Variants in NFXL1 observed in about 807,000 individuals in gnomAD.
The protein encoded by NFXL1 is nuclear transcription factor, X-box binding like 1, also known as NF-X1-type zinc finger protein NFXL1.
A neutral mutation model predicts 123.3 loss-of-function variants in NFXL1; 66 were observed. That is an observed-to-expected ratio of 0.54 (90% CI 0.44 to 0.66). NFXL1 has a LOEUF of 0.66. NFXL1 is among the 30% of genes least tolerant of loss of function. The pLI is 0.00. For missense variants in NFXL1, 944 were observed against 1,125.6 expected, an observed-to-expected ratio of 0.84 and a Z score of 2.31; for synonymous variants, 346 against 360.8, an observed-to-expected ratio of 0.96 and a Z score of 0.46.
intron 18 of NFXL1, among the ~76,000 whole-genome samples, chr4:47,864,187 G>A (rs1248983126): frequency 1.3e-5 from 2 of 151,942 alleles, no homozygotes; most frequent in African/African-American, 4.8e-5. Flanking sequence ...TTTTATTCCT[G>A]TTACTCTATA....
intron 19 of NFXL1, among the ~76,000 whole-genome samples, chr4:47,859,858 A>AAAAAAC: frequency 1.4e-5 from 2 of 145,400 alleles, no homozygotes; most frequent in African/African-American, 2.5e-5. Flanking sequence ...AAAAAAAAAA[A>AAAAAAC]AAAAAAAAAA....
In NFXL1 at chr4:47,897,962, CTTACTTGA is replaced by C; in HGVS notation, c.1201_1204+4del. 6.5e-7 allele frequency: 1 copy of C among 1,541,890 alleles called. No homozygotes were observed. On this transcript the variant is annotated splice_donor_variant and splice_donor_region_variant and coding_sequence_variant and intron_variant, in exon 9 of 23. Transcript: ENST00000507489. LOFTEE classifies it high-confidence loss of function. ...TATATAAATATAAAAAAAAACAAGT[CTTACTTGA>C]TTTCTGACATGGACAGAACCTTTTC...
chr4:47,899,256 T>C lies in NFXL1; in HGVS notation c.826+114A>G, dbSNP rs1226136679. 1.0e-5 allele frequency: 13 copies of C among 1,295,014 alleles called. No individual in the cohort carries two copies. In the Admixed American group the frequency reaches 2.6e-4, roughly 26 times the overall value. 80.2% of individuals were successfully genotyped at this position (1,295,014 alleles called of 1,614,324 possible). On this transcript the variant is annotated intron_variant, in intron 6 of 22. Coordinates refer to ENST00000507489, the MANE Select transcript of NFXL1 (RefSeq NM_001278624.2). ...CTTTACAAAAGGCAATAACTTTCAA[T>C]ATTTTCTCATGGCAAACTAAACTGT...
intron 19 of NFXL1, among the ~76,000 whole-genome samples, chr4:47,857,256 C>A (rs1450798152): frequency 6.6e-6 from 1 of 152,154 alleles, no homozygotes; most frequent in East Asian, 1.9e-4. Flanking sequence ...TCTCTTCCAG[C>A]TATTTGGAAA....
rs543069408 is a variant in NFXL1, at chr4:47,847,365, G to T, written c.*798C>A. 29 of 152,230 alleles carry T rather than the reference G, an allele frequency of 1.9e-4. No homozygotes were observed. The highest frequency in any genetic ancestry group is 1.4e-3 in the Admixed American group (21 of 15,296). The allele number at this position is 152,230 out of a possible 1,614,324, so 9.4% of individuals were successfully genotyped here. A position where few individuals can be genotyped will look rare whatever the true frequency, so the allele number is the denominator to read the frequency against. ...TTCTCTATTTGTTTTCATAAGAACT[G>T]ATTATTTTCAGCTGAAATCTATTTA... On this transcript the variant is annotated 3_prime_UTR_variant, in exon 23 of 23. Transcript: ENST00000507489.
rs1737518977 is a variant in NFXL1 at position 47,905,332 on chromosome 4, C to T, written c.421G>A (p.Glu141Lys). The change falls in exon 4 of 23, where the codon GAA becomes AAA. Residue 141 changes from glutamate (E) to lysine (K), a missense_variant. Transcript: ENST00000507489. ...ACATATTGTTTTGTTCGCTCTAATTCACGTGTATCTCCATCTGGAAATTTA... is the reference window on the plus strand; with the variant it reads ...ACATATTGTTTTGTTCGCTCTAATTTACGTGTATCTCCATCTGGAAATTTA... ...YTTQTDGDTR[E>K]LERTKQYVNE... The T allele has an allele frequency of 6.4e-7, 1 of 1,557,556 alleles. No homozygotes were observed. The highest frequency in any genetic ancestry group is 8.8e-7 in the Non-Finnish European group (1 of 1,130,712).
intron 1 of NFXL1, 29 bp downstream of exon 1, chr4:47,914,336 G>A: frequency 4.3e-6 from 3 of 696,986 alleles, no homozygotes; most frequent in South Asian, 2.1e-5. Flanking sequence ...CGGCGACCGG[G>A]TTTTAGGAGG....
intron 17 of NFXL1, 55 bp from the exon 18 acceptor site, chr4:47,875,348 C>A: frequency 7.7e-7 from 1 of 1,306,716 alleles, no homozygotes; most frequent in East Asian, 2.5e-5. Context: ...CTAACATTTC[C>A]ATATGTTACA....
Position 47,885,048 on chromosome 4 carries a change from C to T in NFXL1, c.1824+450G>A, listed in dbSNP as rs567798765. ...AGGCTAAGGCACGAGAGTCACTGAA[C>T]CCGGGAGGTGGAGGTTGCAGTGACC... On this transcript the variant is annotated intron_variant, in intron 14 of 22. Transcript: ENST00000507489. Among the ~76,000 whole-genome samples the T allele has an allele frequency of 3.3e-5, 5 of 151,676 alleles. No individual in the cohort carries two copies. In the East Asian group the frequency reaches 7.7e-4, roughly 23 times the overall value.
intron 2 of NFXL1, among the ~76,000 whole-genome samples, chr4:47,913,115 C>T (rs557531565): frequency 6.6e-6 from 1 of 151,966 alleles, no homozygotes; most frequent in South Asian, 2.1e-4. Flanking sequence ...AGAATACCAC[C>T]TACCTTTCAA....
chr4:47,897,219 G>A (rs534166785), intron 9 of NFXL1, among the ~76,000 whole-genome samples: 1 of 152,156 alleles, frequency 6.6e-6, no homozygotes, highest in African/African-American at 2.4e-5. Flanking sequence ...GGCTGAGGCA[G>A]GAGGATCACT....
chr4:47,891,128 T>G (rs377645811), intron 11 of NFXL1, among the ~76,000 whole-genome samples: 1 of 133,578 alleles, frequency 7.5e-6, no homozygotes, highest in East Asian at 2.0e-4. Flanking sequence ...TTTTTTTTTT[T>G]CTTGAGACAG....
At chr4:47,894,540 A>C (rs1156794991) in intron 10 of NFXL1, among the ~76,000 whole-genome samples, 2 of 98,600 alleles carry the variant, frequency 2.0e-5, no homozygotes, top group African/African-American at 4.5e-5. Flanking sequence ...TTGAATAGTT[A>C]AAAAAAAAAA....
At chr4:47,854,874 A>G (rs1475787072) in intron 20 of NFXL1, among the ~76,000 whole-genome samples, 185 bp downstream of exon 20, 1 of 151,742 alleles carries the variant, frequency 6.6e-6, no homozygotes, top group African/African-American at 2.4e-5. Flanking sequence ...ATAAATGTTT[A>G]AAGAACTAGT....
chr4:47,875,874 C>T (rs1334404580), intron 17 of NFXL1, among the ~76,000 whole-genome samples: 1 of 152,098 alleles, frequency 6.6e-6, no homozygotes, highest in Non-Finnish European at 1.5e-5. Context: ...TGTACCTCAA[C>T]GTAACTTAAC....
At chr4:47,867,232 T>C (rs556752838) in intron 18 of NFXL1, among the ~76,000 whole-genome samples, 51 of 138,322 alleles carry the variant, frequency 3.7e-4, no homozygotes, top group Non-Finnish European at 7.3e-4. Context: ...AAAGGTTGAT[T>C]GAATTCAGGA....
intron 20 of NFXL1, among the ~76,000 whole-genome samples, chr4:47,854,070 A>G (rs1486585754): frequency 6.6e-6 from 1 of 152,132 alleles, no homozygotes; most frequent in East Asian, 1.9e-4. Context: ...ATTTTCAGGT[A>G]CAGGGGGTCA....
intron 15 of NFXL1, among the ~76,000 whole-genome samples, chr4:47,883,711 C>A (rs1014888263): frequency 2.6e-5 from 4 of 152,162 alleles, no homozygotes; most frequent in Non-Finnish European, 2.9e-5. Flanking sequence ...CTTTAAAAGA[C>A]CAATACACCA....
chr4:47,879,212 A>G (rs556255537), intron 15 of NFXL1, 95 bp from the exon 16 acceptor site: 42 of 503,460 alleles, frequency 8.3e-5, no homozygotes, highest in African/African-American at 7.1e-4. Context: ...AAAAATAAAT[A>G]CATATGGAAT....
Sources: gnomAD v4.1 joint callset for allele counts (sites outside exome capture counted in the v4.1 genomes callset) on GRCh38, gnomAD v4.1.1 for gene constraint, MANE v1.5 for transcripts, NCBI Gene and HGNC (gene_info 2026-07-23, HGNC 2026-07-21) for gene names.